ADAM22: variants seen among roughly 807,000 people sequenced by gnomAD.
The protein encoded by ADAM22 is disintegrin and metalloproteinase domain-containing protein 22.
ADAM22 carries 65 observed loss-of-function variants against 144.6 expected under a neutral mutation model. The ratio of observed to expected loss-of-function variants is 0.45; its 90% CI spans 0.37 to 0.55. The LOEUF is 0.55. Among genes scored for constraint, ADAM22 ranks in the 20% least tolerant of loss-of-function variants. ADAM22 has a pLI of 0.00. For missense variants in ADAM22, 974 were observed against 1,184.9 expected (o/e 0.82, Z 2.61); for synonymous variants, 391 against 412.6 (o/e 0.95, Z 0.63).
At chr7:88,175,478 G>A (rs532505770) in intron 26 of ADAM22, among the ~76,000 whole-genome samples, 1 of 152,216 alleles carries the variant, frequency 6.6e-6, no homozygotes, top group South Asian at 2.1e-4. Context: ...AAGTTGTACA[G>A]AGAAGAAAAA....
intron 3 of ADAM22, among the ~76,000 whole-genome samples, chr7:88,036,975 A>G (rs1801660909): frequency 6.6e-6 from 1 of 152,090 alleles, no homozygotes; most frequent in Non-Finnish European, 1.5e-5. Flanking sequence ...TCCATTTAAC[A>G]TCTGTCATAA....
chr7:88,137,972 G>A (rs146207252), intron 14 of ADAM22, among the ~76,000 whole-genome samples: 147 of 152,174 alleles, frequency 9.7e-4, no homozygotes, highest in African/African-American at 3.3e-3. Flanking sequence ...TGAGCAACAT[G>A]GTGAAACTAC....
At chr7:88,086,726 C>G (rs1289069793) in intron 4 of ADAM22, among the ~76,000 whole-genome samples, 1 of 152,040 alleles carries the variant, frequency 6.6e-6, no homozygotes, top group African/African-American at 2.4e-5. Context: ...TATGGAGAAC[C>G]ATCGTTCTGG....
intron 2 of ADAM22, among the ~76,000 whole-genome samples, chr7:87,950,957 A>G (rs1844930622): frequency 6.6e-6 from 1 of 151,894 alleles, no homozygotes; most frequent in South Asian, 2.1e-4. Flanking sequence ...GTGTCTGTTC[A>G]TATCCTTTGC....
chr7:88,051,267 C>T (rs1193203181), intron 3 of ADAM22, among the ~76,000 whole-genome samples: 1 of 152,148 alleles, frequency 6.6e-6, no homozygotes, highest in East Asian at 1.9e-4. Flanking sequence ...TTTATTGCGG[C>T]ACTATTCACA....
intron 20 of ADAM22, 89 bp downstream of exon 20, chr7:88,151,409 T>C: frequency 6.9e-7 from 1 of 1,450,658 alleles, no homozygotes; most frequent in Non-Finnish European, 9.7e-7. Context: ...AATTTTTGAC[T>C]ACTTTATGAC....
In ADAM22 at chr7:88,083,075, G is replaced by A. The variant is rs189023322; in HGVS notation, c.390+7383G>A. ...GTGGCACTATTCACAATAGCAAAGA[G>A]TTGGAACCAACCCAAATGTCCAACA... On this transcript the variant is annotated intron_variant, in intron 4 of 31. Transcript: ENST00000413139. Among the ~76,000 whole-genome samples the A allele has an allele frequency of 2.9e-3, 438 of 152,206 alleles. 2 individuals are homozygous for A. Among genetic ancestry groups the A allele is most frequent in the African/African-American group, 1.0e-2 (415 of 41,536 alleles).
At chr7:88,039,464 A>AAAAAAAAAAAAAAAAAAATATATAT in intron 3 of ADAM22, among the ~76,000 whole-genome samples, 4 of 76,404 alleles carry the variant, frequency 5.2e-5, no homozygotes, top group East Asian at 5.3e-4. Context: ...AAAAAAAAAA[A>AAAAAAAAAAAAAAAAAAATATATAT]ATATATATAT....
chr7:88,045,937 T>C lies in ADAM22; in HGVS notation c.324-29689T>C, dbSNP rs796510279. Among the ~76,000 whole-genome samples the C allele has an allele frequency of 1.2e-4, 18 of 150,640 alleles. No individual in the cohort carries two copies. The East Asian group carries it at 2.6e-3, about 22-fold the overall frequency. On this transcript the variant is annotated intron_variant, in intron 3 of 31. Coordinates refer to ENST00000413139, the MANE Select transcript of ADAM22 (RefSeq NM_001324418.2). ...GTGTGTGTGTGTGTGTGTGTGTATG[T>C]CACCCTGTTTTCTTTATCCATTCAT...
chr7:87,970,996 T>G (rs1324698087), intron 2 of ADAM22, among the ~76,000 whole-genome samples: 1 of 152,188 alleles, frequency 6.6e-6, no homozygotes, highest in East Asian at 1.9e-4. Flanking sequence ...CCTCAATCTC[T>G]AAAGCACATA....
intron 9 of ADAM22, 97 bp from the exon 10 acceptor site, chr7:88,130,290 AT>A: frequency 1.2e-6 from 1 of 865,284 alleles, no homozygotes; most frequent in Non-Finnish European, 1.7e-6. Context: ...TTTTTTTTAC[AT>A]TTTTAGGGAT....
chr7:88,120,317 T>A (rs1828952251), intron 7 of ADAM22, among the ~76,000 whole-genome samples: 2 of 152,194 alleles, frequency 1.3e-5, no homozygotes, highest in African/African-American at 4.8e-5. Flanking sequence ...CCTAATGCTA[T>A]CCCTCCCCCC....
intron 3 of ADAM22, among the ~76,000 whole-genome samples, chr7:88,067,850 C>G (rs150253132): frequency 1.2e-3 from 176 of 152,238 alleles, no homozygotes; most frequent in African/African-American, 4.0e-3. Flanking sequence ...CCTTTAGACA[C>G]AGGGGTACAC....
chr7:88,094,508 G>A (rs1271546879), intron 4 of ADAM22, among the ~76,000 whole-genome samples: 3 of 152,150 alleles, frequency 2.0e-5, no homozygotes, highest in Non-Finnish European at 4.4e-5. Context: ...TAGGAGGATG[G>A]TATTTGACCA....
chr7:88,053,938 C>T (rs941735189), intron 3 of ADAM22, among the ~76,000 whole-genome samples: 2 of 152,030 alleles, frequency 1.3e-5, no homozygotes, highest in African/African-American at 4.8e-5. Context: ...CAAGATCAGC[C>T]TGGCCAACAT....
intron 2 of ADAM22, among the ~76,000 whole-genome samples, chr7:87,953,713 CGTT>C (rs1312156220): frequency 1.3e-5 from 2 of 151,956 alleles, no homozygotes; most frequent in South Asian, 2.1e-4. Flanking sequence ...ATTTCTGTCT[CGTT>C]GATCTGTCTA....
intron 18 of ADAM22, among the ~76,000 whole-genome samples, chr7:88,149,620 G>T (rs1345458838): frequency 1.3e-5 from 2 of 152,116 alleles, no homozygotes; most frequent in African/African-American, 4.8e-5. Context: ...GAAGGGTAGT[G>T]CCAAACCATA....
chr7:88,039,515 C>A (rs569629604), intron 3 of ADAM22, among the ~76,000 whole-genome samples: 1 of 135,304 alleles, frequency 7.4e-6, no homozygotes, highest in South Asian at 2.6e-4. Context: ...ATAATCTGAA[C>A]CTGATTTTGT....
At chr7:88,056,730 C>T (rs1808351640) in intron 3 of ADAM22, among the ~76,000 whole-genome samples, 1 of 152,156 alleles carries the variant, frequency 6.6e-6, no homozygotes, top group South Asian at 2.1e-4. Flanking sequence ...TAATTTTCCA[C>T]AAGAAAATTC....
Sources: allele counts gnomAD v4.1 joint callset (sites outside exome capture counted in the v4.1 genomes callset), GRCh38; gene constraint gnomAD v4.1.1; transcripts MANE v1.5; gene names NCBI Gene and HGNC (gene_info 2026-07-23, HGNC 2026-07-21).